PLD3: variants seen among roughly 807,000 people sequenced by gnomAD.
The protein encoded by PLD3 is 5'-3' exonuclease PLD3.
In PLD3, 31 loss-of-function variants were observed where a neutral mutation model predicts 58.4. That is an observed-to-expected ratio of 0.53 (90% CI 0.40 to 0.72). PLD3 has a LOEUF of 0.72. PLD3 is among the 30% of genes least tolerant of loss of function. The pLI is 0.00. For synonymous variants in PLD3, 264 were observed against 273.4 expected, an observed-to-expected ratio of 0.97 and a Z score of 0.34; for missense variants, 595 against 659.8, an observed-to-expected ratio of 0.90 and a Z score of 1.08.
intron 10 of PLD3, among the ~76,000 whole-genome samples, chr19:40,375,676 A>AAAAG (rs1221043293): frequency 1.3e-5 from 2 of 151,312 alleles, no homozygotes; most frequent in African/African-American, 4.9e-5. Context: ...AAAGAAAAAA[A>AAAAG]AAAAGAAGGA....
intron 6 of PLD3, 94 bp downstream of exon 6, chr19:40,367,973 G>T: frequency 9.4e-7 from 1 of 1,066,306 alleles, no homozygotes; most frequent in African/African-American, 1.6e-5. Context: ...TGCAGCCCAG[G>T]AGACAGAGGG....
At chr19:40,353,430 A>C (rs2078568638) in intron 1 of PLD3, among the ~76,000 whole-genome samples, 1 of 152,104 alleles carries the variant, frequency 6.6e-6, no homozygotes, top group Non-Finnish European at 1.5e-5. Flanking sequence ...ACACCATCTC[A>C]AAAAACAAAC....
Position 40,367,217 on chromosome 19 carries a change from A to G in PLD3, c.245+302A>G, listed in dbSNP as rs1401213674. The G allele has an allele frequency of 1.1e-5, 4 of 374,918 alleles. No individual in the cohort carries two copies. In the East Asian group the frequency reaches 1.3e-4, roughly 12 times the overall value. 23.2% of individuals were successfully genotyped at this position (374,918 alleles called of 1,614,324 possible). A position where few individuals can be genotyped will look rare whatever the true frequency, so the allele number is the denominator to read the frequency against. ...ACACCTCTAGACAGACACGCAGAGG[A>G]TCATGAGTCCAGGCACGCATTCAAA... is the stretch of plus-strand genomic sequence containing the variant. On this transcript the variant is annotated intron_variant, in intron 5 of 12. Transcript: ENST00000409735.
In PLD3 at chr19:40,370,208, G is replaced by C. The variant is rs1204087557; in HGVS notation, c.649G>C (p.Ala217Pro). Residue 217 changes from alanine to proline, a missense_variant, in exon 8 of 13, where the codon GCC becomes CCC. Coordinates refer to ENST00000409735, the MANE Select transcript of PLD3 (RefSeq NM_012268.4). ...CCAGACCCACTTCTACCTGGGCAGT[G>C]CCAACATGGACTGGCGTTCACTGAC... Reference protein sequence around the residue: ...VDQTHFYLGSANMDWRSLTQV... With the variant: ...VDQTHFYLGSPNMDWRSLTQV... 2 of 1,613,870 alleles carry C rather than the reference G, an allele frequency of 1.2e-6. No individual in the cohort carries two copies. Among genetic ancestry groups the C allele is most frequent in the African/African-American group, 2.7e-5 (2 of 74,898 alleles).
chr19:40,365,006 A>G (rs1171123558), intron 1 of PLD3, among the ~76,000 whole-genome samples: 1 of 152,164 alleles, frequency 6.6e-6, no homozygotes. Flanking sequence ...AATAAAAAGC[A>G]ATCTTGACCT....
chr19:40,350,287 C>T (rs751315613), intron 1 of PLD3, among the ~76,000 whole-genome samples: 4 of 147,206 alleles, frequency 2.7e-5, no homozygotes, highest in Admixed American at 6.9e-5. Flanking sequence ...AAAAAAACTG[C>T]ATGATCTTGG....
chr19:40,355,931 A>C (rs1444428567), intron 1 of PLD3: 1 of 152,046 alleles, frequency 6.6e-6, no homozygotes, highest in African/African-American at 2.4e-5. Flanking sequence ...TCTAGTTCCA[A>C]TTTAGAAGTG....
At chr19:40,376,096 C>T (rs1039523009) in intron 10 of PLD3, among the ~76,000 whole-genome samples, 5 of 152,212 alleles carry the variant, frequency 3.3e-5, no homozygotes, top group African/African-American at 1.2e-4. Context: ...TGGCTCACGC[C>T]TGTAATCCCA....
intron 1 of PLD3, among the ~76,000 whole-genome samples, chr19:40,349,695 A>G (rs1294854833): frequency 6.6e-6 from 1 of 152,210 alleles, no homozygotes; most frequent in African/African-American, 2.4e-5. Flanking sequence ...GCGGTGGCTC[A>G]TGCCTGTAAT....
intron 5 of PLD3, 99 bp downstream of exon 5, chr19:40,367,014 C>T: frequency 7.2e-7 from 1 of 1,383,632 alleles, no homozygotes; most frequent in African/African-American, 1.5e-5. Flanking sequence ...CTACCCAGCG[C>T]TTGCGACAAG....
At chr19:40,361,899 T>C (rs2078795640) in intron 1 of PLD3, among the ~76,000 whole-genome samples, 3 of 152,028 alleles carry the variant, frequency 2.0e-5, no homozygotes, top group South Asian at 4.2e-4. Context: ...TGGAGTGCGG[T>C]GGCGCCAACT....
In PLD3 at chr19:40,370,210, C is replaced by T. The variant is rs1349657406; in HGVS notation, c.651C>T (p.Ala217=). 2.9e-5 allele frequency: 47 copies of T among 1,613,942 alleles called. No individual in the cohort carries two copies. The highest frequency in any genetic ancestry group is 3.9e-5 in the Non-Finnish European group (46 of 1,179,910). Residue 217 remains alanine, a synonymous_variant, in exon 8 of 13, where the codon GCC becomes GCT. Coordinates refer to ENST00000409735, the MANE Select transcript of PLD3 (RefSeq NM_012268.4). Reference sequence around the variant, plus strand: ...AGACCCACTTCTACCTGGGCAGTGCCAACATGGACTGGCGTTCACTGACCC... The same window carrying T: ...AGACCCACTTCTACCTGGGCAGTGCTAACATGGACTGGCGTTCACTGACCC... ...VDQTHFYLGS[A]NMDWRSLTQV... is the part of the protein sequence containing the mutation.
chr19:40,371,201 C>T (rs2079059075), intron 8 of PLD3, among the ~76,000 whole-genome samples: 1 of 152,292 alleles, frequency 6.6e-6, no homozygotes, highest in South Asian at 2.1e-4. Flanking sequence ...TTCCCCTAAC[C>T]TTTAATCTCA....
Position 40,371,782 on chromosome 19 carries a change from C to A in PLD3, c.788C>A (p.Ser263Ter). The change falls in exon 9 of 13, where the codon TCA becomes TAA. Residue 263 changes from serine to a stop codon, truncating the protein, a stop_gained. Transcript: ENST00000409735. LOFTEE classifies it high-confidence loss of function. ...GGCCAGGCAGGCAGCTCCATCCCAT[C>A]AACTTGGCCCCGGTTCTATGACACC... is the stretch of plus-strand genomic sequence containing the variant. The part of the protein sequence containing the change: ...FLGQAGSSIP[S>*]TWPRFYDTRY... 6.2e-7 allele frequency: 1 copy of A among 1,614,090 alleles called. No homozygotes were observed. Among genetic ancestry groups the A allele is most frequent in the East Asian group, 2.2e-5 (1 of 44,878 alleles).
chr19:40,357,735 G>C (rs2078686973), intron 1 of PLD3: 1 of 152,090 alleles, frequency 6.6e-6, no homozygotes, highest in African/African-American at 2.4e-5. Flanking sequence ...TAGAGCTAGA[G>C]GAATAAATCA....
rs1033976566 is a variant in PLD3 at position 40,374,394 on chromosome 19, T to C, written c.880-87T>C. On this transcript the variant is annotated intron_variant, in intron 9 of 12. Transcript: ENST00000409735. ...AGGATTTGGTGAGATCCACAGTACC[T>C]GGCTTGTGGTGAGCTGTCCGTATGT... 9.1e-6 allele frequency: 13 copies of C among 1,423,788 alleles called. No individual in the cohort carries two copies. The Middle Eastern group carries it at 5.6e-4, about 61-fold the overall frequency. The allele number at this position is 1,423,788 out of a possible 1,614,324, so 88.2% of individuals were successfully genotyped here. A position where few individuals can be genotyped will look rare whatever the true frequency, so the allele number is the denominator to read the frequency against.
intron 10 of PLD3, among the ~76,000 whole-genome samples, chr19:40,375,314 G>A (rs1294807314): frequency 6.6e-6 from 1 of 151,634 alleles, no homozygotes; most frequent in Non-Finnish European, 1.5e-5. Context: ...AAGTATTTGG[G>A]TTTAGGGTAG....
At chr19:40,371,263 G>A (rs1381250249) in intron 8 of PLD3, among the ~76,000 whole-genome samples, 2 of 151,960 alleles carry the variant, frequency 1.3e-5, no homozygotes, top group Non-Finnish European at 2.9e-5. Flanking sequence ...GACATCCCTA[G>A]TGCCTGTCCT....
intron 1 of PLD3, among the ~76,000 whole-genome samples, chr19:40,349,733 C>T (rs1471246774): frequency 6.6e-6 from 1 of 151,818 alleles, no homozygotes; most frequent in African/African-American, 2.4e-5. Context: ...CCAAGGTGGG[C>T]GGATCACCTG....
Sources: gnomAD v4.1 joint callset for allele counts (sites outside exome capture counted in the v4.1 genomes callset) on GRCh38, gnomAD v4.1.1 for gene constraint, MANE v1.5 for transcripts, NCBI Gene and HGNC (gene_info 2026-07-23, HGNC 2026-07-21) for gene names.